IQCM: variants seen among roughly 807,000 people sequenced by gnomAD.
IQCM encodes the protein IQ motif containing M, also known as IQ domain-containing protein M.
Under a neutral mutation model 57.6 loss-of-function variants are expected in IQCM, and 45 were observed. The observed-to-expected ratio is 0.78, with a 90% CI of 0.62 to 1.00. The LOEUF (loss-of-function observed/expected upper bound fraction) is 1.00, where lower values mean the gene tolerates loss of function less well. IQCM is among the 50% of genes least tolerant of loss of function. The probability of loss-of-function intolerance (pLI) is 0.00; values close to 1 mark genes in which losing one functional copy is unlikely to be tolerated. For missense variants in IQCM, 468 were observed against 511.6 expected (o/e 0.91, Z 0.82); for synonymous variants, 148 against 158.9 (o/e 0.93, Z 0.51).
intron 13 of IQCM, among the ~76,000 whole-genome samples, chr4:149,369,955 G>T (rs1730247651): frequency 6.6e-6 from 1 of 152,170 alleles, no homozygotes; most frequent in Non-Finnish European, 1.5e-5. Context: ...GAGTGCAGTG[G>T]TGCAATTACG....
intron 5 of IQCM, among the ~76,000 whole-genome samples, chr4:149,715,258 G>T (rs192098034): frequency 2.6e-5 from 4 of 152,286 alleles, no homozygotes; most frequent in Admixed American, 2.0e-4. Context: ...GCCAGGCATG[G>T]AGTGGCAAGG....
chr4:149,576,350 G>T (rs1751651505), intron 9 of IQCM, among the ~76,000 whole-genome samples: 1 of 151,654 alleles, frequency 6.6e-6, no homozygotes. Context: ...GCCCTTCCTT[G>T]TATCCACGTG....
At position 149,705,934 on chromosome 4, in the gene IQCM, T is replaced by A. The variant is rs573658664; in HGVS notation, c.386-19466A>T. On this transcript the variant is annotated intron_variant, in intron 5 of 13. Coordinates refer to ENST00000636793, the MANE Select transcript of IQCM (RefSeq NM_001363507.2). ...CACAAATAAAAAAAAAAATTCTATA[T>A]CTTTGTATGCCCCATGTAACTTGGT... 2.6e-5 allele frequency among the ~76,000 whole-genome samples: 4 copies of A among 151,978 alleles called. No individual in the cohort carries two copies. In the South Asian group the frequency reaches 6.2e-4, roughly 24 times the overall value.
chr4:149,724,787 T>C (rs1378230840), intron 5 of IQCM, among the ~76,000 whole-genome samples: 1 of 152,084 alleles, frequency 6.6e-6, no homozygotes, highest in Admixed American at 6.6e-5. Context: ...TTATATATTA[T>C]ATAGTACTAC....
intron 2 of IQCM, among the ~76,000 whole-genome samples, chr4:149,758,465 TA>T (rs1292454032): frequency 1.3e-5 from 2 of 152,092 alleles, no homozygotes; most frequent in Non-Finnish European, 2.9e-5. Context: ...CATGAAAAAA[TA>T]ATTGATTTAA....
At chr4:149,536,282 A>T (rs1309090763) in intron 12 of IQCM, among the ~76,000 whole-genome samples, 1 of 152,024 alleles carries the variant, frequency 6.6e-6, no homozygotes, top group Non-Finnish European at 1.5e-5. Flanking sequence ...AGCAATCACA[A>T]TTCACTAGAC....
At chr4:149,596,659 G>T (rs1189543866) in intron 8 of IQCM, among the ~76,000 whole-genome samples, 1 of 152,094 alleles carries the variant, frequency 6.6e-6, no homozygotes, top group Non-Finnish European at 1.5e-5. Flanking sequence ...GGCTCTGAGT[G>T]AAGAGATAAA....
rs559591818 is a variant in IQCM at position 149,723,698 on chromosome 4, G to T, written c.385+9546C>A. 1.4e-4 allele frequency among the ~76,000 whole-genome samples: 21 copies of T among 151,986 alleles called. No individual in the cohort carries two copies. In the East Asian group the frequency reaches 4.1e-3, roughly 29 times the overall value. On this transcript the variant is annotated intron_variant, in intron 5 of 13. Transcript: ENST00000636793. ...GTTGGATTCAGTTTGCTAGTGTTTTGTTGAGGATTTTTGCATCTATGTTCA... is the reference window on the plus strand; with the variant it reads ...GTTGGATTCAGTTTGCTAGTGTTTTTTTGAGGATTTTTGCATCTATGTTCA...
At chr4:149,513,931 T>C (rs1744682715) in intron 12 of IQCM, among the ~76,000 whole-genome samples, 1 of 152,176 alleles carries the variant, frequency 6.6e-6, no homozygotes. Flanking sequence ...TGCTCTTCAA[T>C]CTTCAACTCA....
chr4:149,508,535 C>T (rs1455219736), intron 12 of IQCM, among the ~76,000 whole-genome samples: 1 of 152,156 alleles, frequency 6.6e-6, no homozygotes, highest in Non-Finnish European at 1.5e-5. Flanking sequence ...TTGCATGGGG[C>T]CTGTAGCCCC....
chr4:149,562,704 C>T (rs1314618663), intron 10 of IQCM, among the ~76,000 whole-genome samples: 1 of 152,024 alleles, frequency 6.6e-6, no homozygotes, highest in Admixed American at 6.6e-5. Flanking sequence ...GAGTGTTTAC[C>T]TTTTGCCAGA....
intron 12 of IQCM, among the ~76,000 whole-genome samples, chr4:149,490,119 G>C (rs1323770808): frequency 6.6e-6 from 1 of 151,818 alleles, no homozygotes; most frequent in African/African-American, 2.4e-5. Context: ...GGAGAAATAA[G>C]TTGCATAATC....
intron 12 of IQCM, among the ~76,000 whole-genome samples, chr4:149,451,875 A>T (rs1488309096): frequency 1.3e-5 from 2 of 151,664 alleles, no homozygotes; most frequent in African/African-American, 2.4e-5. Flanking sequence ...TAGTGCCATA[A>T]GGCCAGAAAA....
chr4:149,373,585 A>C (rs1730510064), intron 13 of IQCM, among the ~76,000 whole-genome samples: 1 of 152,190 alleles, frequency 6.6e-6, no homozygotes, highest in Non-Finnish European at 1.5e-5. Context: ...CTATTAAGTG[A>C]ATATAAATTA....
At chr4:149,649,506 G>T (rs750284783) in intron 7 of IQCM, among the ~76,000 whole-genome samples, 7 of 151,956 alleles carry the variant, frequency 4.6e-5, no homozygotes, top group Non-Finnish European at 1.0e-4. Context: ...TATTTTTTAA[G>T]TTCTATGGTG....
At chr4:149,637,312 G>A (rs1757817019) in intron 7 of IQCM, among the ~76,000 whole-genome samples, 1 of 151,868 alleles carries the variant, frequency 6.6e-6, no homozygotes, top group African/African-American at 2.4e-5. Flanking sequence ...GAGTATTAAG[G>A]GTAAATTTAA....
At chr4:149,386,910 TG>T (rs1255582341) in intron 13 of IQCM, among the ~76,000 whole-genome samples, 1 of 152,082 alleles carries the variant, frequency 6.6e-6, no homozygotes, top group Non-Finnish European at 1.5e-5. Flanking sequence ...AATATCTTTT[TG>T]TATCTCCCTT....
chr4:149,460,366 T>C (rs1050857811), intron 12 of IQCM, among the ~76,000 whole-genome samples: 20 of 152,178 alleles, frequency 1.3e-4, no homozygotes, highest in African/African-American at 4.8e-4. Context: ...TTTTGGGTTG[T>C]CTTCTTACTC....
rs563580771 is a variant in IQCM, at chr4:149,723,636, C to A, written c.385+9608G>T. On this transcript the variant is annotated intron_variant, in intron 5 of 13. Coordinates refer to ENST00000636793, the MANE Select transcript of IQCM (RefSeq NM_001363507.2). ...CCATCCCTGCACCCCTGGGATGAAA[C>A]CCTCTTGATCATGGTGAATTATCTT... 3.6e-4 allele frequency among the ~76,000 whole-genome samples: 54 copies of A among 152,062 alleles called. 1 individual carries two copies. Among genetic ancestry groups the A allele is most frequent in the African/African-American group, 1.3e-3 (52 of 41,524 alleles).
Sources: gnomAD v4.1 joint callset for allele counts (sites outside exome capture counted in the v4.1 genomes callset) on GRCh38, gnomAD v4.1.1 for gene constraint, MANE v1.5 for transcripts, NCBI Gene and HGNC (gene_info 2026-07-23, HGNC 2026-07-21) for gene names.